The following PKIB variants were observed in gnomAD, a reference collection of about 807,000 sequenced individuals.
The protein encoded by PKIB is cAMP-dependent protein kinase inhibitor beta.
Under a neutral mutation model 4.5 loss-of-function variants are expected in PKIB, and 2 were observed. That is an observed-to-expected ratio of 0.44 (90% confidence interval 0.18 to 1.39). The LOEUF is 1.39. Ranked by LOEUF, PKIB falls within the 40% of genes most tolerant of loss-of-function variation. The probability of loss-of-function intolerance (pLI) is 0.27; values close to 1 mark genes in which losing one functional copy is unlikely to be tolerated. For missense variants in PKIB, 94 were observed against 92.6 expected, an observed-to-expected ratio of 1.02 and a Z score of -0.06; for synonymous variants, 38 against 36.0, an observed-to-expected ratio of 1.06 and a Z score of -0.20.
At chr6:122,613,075 C>G (rs1020544455) in intron 1 of PKIB, among the ~76,000 whole-genome samples, 1 of 151,904 alleles carries the variant, frequency 6.6e-6, no homozygotes. Flanking sequence ...TATTTCTTGC[C>G]TAATGTTTTT....
intron 2 of PKIB, among the ~76,000 whole-genome samples, chr6:122,667,063 T>A (rs1777247978): frequency 6.6e-6 from 1 of 152,206 alleles, no homozygotes; most frequent in Admixed American, 6.5e-5. Context: ...AGTTGGTATG[T>A]TCCTTTTTAT....
chr6:122,533,378 C>T (rs1188444173), intron 2 of PKIB, among the ~76,000 whole-genome samples: 1 of 152,090 alleles, frequency 6.6e-6, no homozygotes, highest in East Asian at 1.9e-4. Context: ...CTATGTTGCC[C>T]AGGCTTGTGT....
intron 3 of PKIB, among the ~76,000 whole-genome samples, chr6:122,702,122 C>T (rs886074512): frequency 1.3e-5 from 2 of 152,034 alleles, no homozygotes; most frequent in African/African-American, 4.8e-5. Flanking sequence ...GAAAGACTCT[C>T]TTAATAACTT....
chr6:122,669,913 A>G (rs1323410936), intron 2 of PKIB, among the ~76,000 whole-genome samples: 1 of 152,134 alleles, frequency 6.6e-6, no homozygotes. Context: ...GCAAAATCCA[A>G]AAATGACAGT....
intron 1 of PKIB, among the ~76,000 whole-genome samples, chr6:122,614,135 C>G (rs1244281088): frequency 6.6e-6 from 1 of 152,052 alleles, no homozygotes; most frequent in South Asian, 2.1e-4. Context: ...AAAAATGTGA[C>G]ATTGCCCAAG....
chr6:122,607,889 C>G (rs964559402), upstream of PKIB, among the ~76,000 whole-genome samples: 5 of 152,224 alleles, frequency 3.3e-5, no homozygotes, highest in Admixed American at 3.3e-4. Context: ...TATGCACCTT[C>G]TGCCCCAACT....
intron 2 of PKIB, chr6:122,480,557 G>A (rs997141709): frequency 8.6e-5 from 13 of 152,046 alleles, no homozygotes; most frequent in Non-Finnish European, 1.3e-4. Flanking sequence ...TTAATCCAAA[G>A]GGAATAAATT....
chr6:122,498,318 G>T (rs1776133316), intron 2 of PKIB, among the ~76,000 whole-genome samples: 1 of 152,032 alleles, frequency 6.6e-6, no homozygotes, highest in African/African-American at 2.4e-5. Flanking sequence ...AGTAGATCTC[G>T]TGAGACTCAT....
chr6:122,665,438 G>A (rs1777179077), intron 2 of PKIB, among the ~76,000 whole-genome samples: 1 of 152,138 alleles, frequency 6.6e-6, no homozygotes, highest in African/African-American at 2.4e-5. Flanking sequence ...TAAATCTGCA[G>A]CATGTTAAAT....
rs138672842 is a variant in PKIB at position 122,714,726 on chromosome 6, A to T, written c.-8-3061A>T. Among the ~76,000 whole-genome samples, 55 of 152,244 alleles carry T rather than the reference A, an allele frequency of 3.6e-4. No homozygotes were observed. In the East Asian group the frequency reaches 9.5e-3, roughly 26 times the overall value. On this transcript the variant is annotated intron_variant, in intron 3 of 4. Coordinates refer to ENST00000368452, the MANE Select transcript of PKIB (RefSeq NM_181795.3). ...GCTGCAGAAAAGATAACTATTGGGT[A>T]TTGGGCTTAATATCTGGGTGATGAA...
At chr6:122,657,500 T>C (rs1483777231) in intron 2 of PKIB, among the ~76,000 whole-genome samples, 2 of 152,228 alleles carry the variant, frequency 1.3e-5, no homozygotes, top group South Asian at 4.1e-4. Flanking sequence ...GTAGATGATA[T>C]TTTGGAGCTA....
intron 3 of PKIB, among the ~76,000 whole-genome samples, chr6:122,681,224 A>G (rs1318332272): frequency 6.6e-6 from 1 of 151,100 alleles, no homozygotes; most frequent in East Asian, 2.0e-4. Context: ...AGTTTTTATA[A>G]TGTTTTTTCT....
chr6:122,503,547 C>T (rs908887195), intron 2 of PKIB, among the ~76,000 whole-genome samples: 33 of 152,138 alleles, frequency 2.2e-4, no homozygotes, highest in Non-Finnish European at 4.4e-4. Flanking sequence ...TATCACTTAT[C>T]TTTCTTCTTT....
At chr6:122,665,390 A>G (rs1367368666) in intron 2 of PKIB, among the ~76,000 whole-genome samples, 1 of 152,248 alleles carries the variant, frequency 6.6e-6, no homozygotes. Flanking sequence ...TCTAAAATTC[A>G]AAACTAACAA....
At chr6:122,518,528 A>T (rs1216382180) in intron 2 of PKIB, among the ~76,000 whole-genome samples, 1 of 151,894 alleles carries the variant, frequency 6.6e-6, no homozygotes, top group African/African-American at 2.4e-5. Context: ...TCTGGAGAGG[A>T]ACGATTTGAG....
chr6:122,560,223 C>T (rs150493885), intron 2 of PKIB, among the ~76,000 whole-genome samples: 24 of 151,276 alleles, frequency 1.6e-4, no homozygotes, highest in Admixed American at 2.6e-4. Flanking sequence ...CCCTTGTATG[C>T]TGATTTTGCT....
intron 1 of PKIB, among the ~76,000 whole-genome samples, chr6:122,475,163 T>G (rs372459113): frequency 3.3e-5 from 5 of 152,070 alleles, no homozygotes; most frequent in East Asian, 1.9e-4. Context: ...CTGCCTGGAG[T>G]GCAGTGGCCT....
intron 3 of PKIB, among the ~76,000 whole-genome samples, chr6:122,684,222 A>G (rs1394060024): frequency 1.3e-5 from 2 of 152,182 alleles, no homozygotes; most frequent in Non-Finnish European, 2.9e-5. Flanking sequence ...CAATAGGCAT[A>G]AAGTTTCAGT....
At chr6:122,702,361 A>C (rs1019692844) in intron 3 of PKIB, among the ~76,000 whole-genome samples, 1 of 122,950 alleles carries the variant, frequency 8.1e-6, no homozygotes, top group Admixed American at 1.0e-4. Context: ...ATGGAGTCTC[A>C]CTCTGTTGCC....
Sources: allele counts gnomAD v4.1 joint callset (sites outside exome capture counted in the v4.1 genomes callset), GRCh38; gene constraint gnomAD v4.1.1; transcripts MANE v1.5; gene names NCBI Gene and HGNC (gene_info 2026-07-23, HGNC 2026-07-21).